THRB: variants seen among roughly 807,000 people sequenced by gnomAD.
THRB encodes the protein nuclear receptor subfamily 1 group A member 2.
Under a neutral mutation model 47.8 loss-of-function variants are expected in THRB, and 12 were observed. The ratio of observed to expected loss-of-function variants is 0.25; its 90% CI spans 0.16 to 0.41. THRB has a LOEUF of 0.41. Ranked by LOEUF, THRB falls within the 10% of genes least tolerant of loss-of-function variation. THRB has a pLI of 1.00. For missense variants in THRB, 348 were observed against 589.2 expected (o/e 0.59, Z 4.24); for synonymous variants, 218 against 212.2 (o/e 1.03, Z -0.24).
intron 2 of THRB, among the ~76,000 whole-genome samples, chr3:24,310,092 A>G (rs926099137): frequency 1.3e-5 from 2 of 150,088 alleles, no homozygotes; most frequent in Non-Finnish European, 3.0e-5. Context: ...CCATGTCACA[A>G]TTCAATTCTA....
chr3:24,475,663 CTG>C (rs1695345421), intron 1 of THRB, among the ~76,000 whole-genome samples: 1 of 152,220 alleles, frequency 6.6e-6, no homozygotes, highest in South Asian at 2.1e-4. Context: ...AAACCACACA[CTG>C]TAACACTTAT....
intron 2 of THRB, among the ~76,000 whole-genome samples, chr3:24,303,796 G>GT: frequency 6.6e-6 from 1 of 152,196 alleles, no homozygotes; most frequent in African/African-American, 2.4e-5. Flanking sequence ...CACCGACTAA[G>GT]TTTTTTAAAA....
At chr3:24,158,156 C>T (rs149943118) in intron 5 of THRB, among the ~76,000 whole-genome samples, 23 of 152,204 alleles carry the variant, frequency 1.5e-4, no homozygotes, top group African/African-American at 5.3e-4. Flanking sequence ...ATTCTTGCTT[C>T]ATGTGAAAAA....
intron 1 of THRB, among the ~76,000 whole-genome samples, chr3:24,474,226 G>GT (rs202051873): frequency 0.013 from 2,028 of 152,240 alleles, 44 homozygotes; most frequent in African/African-American, 0.045. Context: ...CTGGTTAACT[G>GT]TTAAAAATAA....
At chr3:24,239,969 A>G (rs1190375293) in intron 3 of THRB, among the ~76,000 whole-genome samples, 5 of 152,150 alleles carry the variant, frequency 3.3e-5, no homozygotes, top group African/African-American at 4.8e-5. Flanking sequence ...TGACAGGTGG[A>G]TTTGCATGGT....
intron 2 of THRB, among the ~76,000 whole-genome samples, chr3:24,301,126 T>G (rs1688817522): frequency 6.6e-6 from 1 of 152,112 alleles, no homozygotes; most frequent in African/African-American, 2.4e-5. Context: ...GCCACCAGAC[T>G]CTGGAAGAGA....
chr3:24,467,262 C>T (rs979803777), intron 1 of THRB, among the ~76,000 whole-genome samples: 4 of 152,234 alleles, frequency 2.6e-5, no homozygotes, highest in African/African-American at 9.6e-5. Flanking sequence ...GGTTCTCTTG[C>T]TACTTCCATA....
intron 1 of THRB, among the ~76,000 whole-genome samples, chr3:24,397,300 A>C (rs1413249332): frequency 1.3e-5 from 2 of 152,150 alleles, no homozygotes; most frequent in African/African-American, 2.4e-5. Flanking sequence ...TAGACACCCC[A>C]GAGGGGCCCA....
intron 1 of THRB, among the ~76,000 whole-genome samples, chr3:24,431,297 C>T (rs2070396067): frequency 7.3e-6 from 1 of 136,150 alleles, no homozygotes; most frequent in South Asian, 2.4e-4. Flanking sequence ...CACACACACA[C>T]ACATTTATAA....
Position 24,119,593 on chromosome 3 carries a change from G to A in THRB, c.*3291C>T, listed in dbSNP as rs1320943821. On this transcript the variant is annotated 3_prime_UTR_variant, in exon 11 of 11. Transcript: ENST00000646209. Reference sequence around the variant, plus strand: ...CTGTTCATGGAGGAGCAACAAGAACGGCGTTGCTGGCACAGAGCGAAGGCC... The same window carrying A: ...CTGTTCATGGAGGAGCAACAAGAACAGCGTTGCTGGCACAGAGCGAAGGCC... 2 of 152,238 alleles carry A rather than the reference G, an allele frequency of 1.3e-5. No homozygotes were observed. Among genetic ancestry groups the A allele is most frequent in the Non-Finnish European group, 2.9e-5 (2 of 68,146 alleles). The allele number at this position is 152,238 out of a possible 1,614,324, so 9.4% of individuals were successfully genotyped here.
chr3:24,341,270 C>T lies in THRB; in HGVS notation c.-260-3899G>A, dbSNP rs2062633666. ...TTTTTGAGACAGGGTCTCACTTTGT[C>T]ACACAGGCTGGAGTGCAGTGGTACA... On this transcript the variant is annotated intron_variant, in intron 1 of 10. Transcript: ENST00000646209. Among the ~76,000 whole-genome samples the T allele has an allele frequency of 3.4e-5, 4 of 117,432 alleles. No individual in the cohort carries two copies. In the South Asian group the frequency reaches 1.2e-3, roughly 34 times the overall value. The allele number at this position is 117,432 out of a possible 152,430, so 77.0% of individuals were successfully genotyped here.
intron 5 of THRB, among the ~76,000 whole-genome samples, chr3:24,158,687 C>G (rs140512658): frequency 1.3e-5 from 2 of 152,184 alleles, no homozygotes; most frequent in Non-Finnish European, 2.9e-5. Context: ...GCCTCGGCCT[C>G]CCAAGGTGCT....
At chr3:24,476,451 A>G (rs1187398388) in intron 1 of THRB, among the ~76,000 whole-genome samples, 3 of 152,246 alleles carry the variant, frequency 2.0e-5, no homozygotes, top group Admixed American at 6.5e-5. Context: ...GCCATCTTCA[A>G]TCAGAGGAAC....
chr3:24,196,362 A>G (rs2043956620), intron 4 of THRB, among the ~76,000 whole-genome samples: 1 of 152,144 alleles, frequency 6.6e-6, no homozygotes, highest in South Asian at 2.1e-4. Flanking sequence ...AAAAATAAAA[A>G]AAGTTGCTTC....
At chr3:24,192,452 G>A (rs2043460328) in intron 4 of THRB, among the ~76,000 whole-genome samples, 1 of 152,094 alleles carries the variant, frequency 6.6e-6, no homozygotes, top group Non-Finnish European at 1.5e-5. Context: ...TTTAAATAAG[G>A]TTAAAGTTCT....
intron 3 of THRB, among the ~76,000 whole-genome samples, chr3:24,285,709 G>C (rs2055204883): frequency 2.0e-5 from 3 of 152,040 alleles, no homozygotes; most frequent in South Asian, 2.1e-4. Flanking sequence ...AAATGCCCAA[G>C]AAAACAGTGC....
At chr3:24,386,062 G>A (rs890051176) in intron 1 of THRB, among the ~76,000 whole-genome samples, 4 of 152,100 alleles carry the variant, frequency 2.6e-5, no homozygotes, top group South Asian at 2.1e-4. Context: ...ACCTCAACTC[G>A]AATCCAGCCA....
At position 24,278,987 on chromosome 3, in the gene THRB, G is replaced by A. The variant is rs78888111; in HGVS notation, c.-43+18239C>T. Among the ~76,000 whole-genome samples, 1,282 of 152,158 alleles carry A rather than the reference G, an allele frequency of 8.4e-3. 22 individuals are homozygous for A. Among genetic ancestry groups the A allele is most frequent in the African/African-American group, 0.029 (1,199 of 41,502 alleles). On this transcript the variant is annotated intron_variant, in intron 3 of 10. Transcript: ENST00000646209. ...AGCCTCCCAAGTAGTTAGGACTACCGGTGCATACTACCACGTCCAGCTAGT... is the reference window on the plus strand; with the variant it reads ...AGCCTCCCAAGTAGTTAGGACTACCAGTGCATACTACCACGTCCAGCTAGT...
intron 4 of THRB, among the ~76,000 whole-genome samples, chr3:24,226,215 T>C (rs851718): frequency 2.0e-5 from 3 of 152,046 alleles, no homozygotes; most frequent in Non-Finnish European, 4.4e-5. Context: ...TTATCTATTA[T>C]GCTTTTCAAA....
Sources: gnomAD v4.1 joint callset for allele counts (sites outside exome capture counted in the v4.1 genomes callset) on GRCh38, gnomAD v4.1.1 for gene constraint, MANE v1.5 for transcripts, NCBI Gene and HGNC (gene_info 2026-07-23, HGNC 2026-07-21) for gene names.